NEDD4L: variants seen among roughly 807,000 people sequenced by gnomAD.
The protein encoded by NEDD4L is E3 ubiquitin-protein ligase NEDD4-like.
NEDD4L carries 54 observed loss-of-function variants against 148.9 expected under a neutral mutation model. That is an observed-to-expected ratio of 0.36 (90% CI 0.29 to 0.45). The LOEUF (loss-of-function observed/expected upper bound fraction) is 0.45, where lower values mean the gene tolerates loss of function less well. Among genes scored for constraint, NEDD4L ranks in the 20% least tolerant of loss-of-function variants. The pLI is 1.00. For synonymous variants in NEDD4L, 433 were observed against 440.7 expected (o/e 0.98, Z 0.22); for missense variants, 856 against 1,233.8 (o/e 0.69, Z 4.59).
intron 1 of NEDD4L, among the ~76,000 whole-genome samples, chr18:58,115,318 G>A (rs964816574): frequency 3.2e-4 from 48 of 150,496 alleles, no homozygotes. Context: ...TGCCTTCTGG[G>A]AATCCATTGT....
intron 1 of NEDD4L, among the ~76,000 whole-genome samples, chr18:58,125,652 A>T (rs552923938): frequency 2.6e-5 from 4 of 152,236 alleles, no homozygotes; most frequent in African/African-American, 9.6e-5. Flanking sequence ...CAGGAAATAT[A>T]ATTTGGACCG....
chr18:58,284,750 C>G (rs1205378256), intron 5 of NEDD4L, among the ~76,000 whole-genome samples: 1 of 152,162 alleles, frequency 6.6e-6, no homozygotes, highest in African/African-American at 2.4e-5. Flanking sequence ...AACCATATAT[C>G]TGGATATTTT....
intron 4 of NEDD4L, among the ~76,000 whole-genome samples, chr18:58,249,742 A>G (rs1379125793): frequency 1.3e-5 from 2 of 152,214 alleles, no homozygotes; most frequent in South Asian, 2.1e-4. Flanking sequence ...GCCCATTATA[A>G]TTGGTCCTGA....
At chr18:58,344,471 A>G (rs1266328656) in intron 16 of NEDD4L, among the ~76,000 whole-genome samples, 1 of 152,214 alleles carries the variant, frequency 6.6e-6, no homozygotes, top group East Asian at 1.9e-4. Context: ...TGCCCTACAC[A>G]TTTCAAAACA....
In NEDD4L at chr18:58,185,603, G is replaced by A. The variant is rs1027334302; in HGVS notation, c.122+19742G>A. Among the ~76,000 whole-genome samples the A allele has an allele frequency of 2.7e-4, 41 of 152,230 alleles. 1 individual carries two copies. The highest frequency in any genetic ancestry group is 2.1e-4 in the Non-Finnish European group (14 of 68,040). ...AATGACAAATGCCTGGTTGGGTGCT[G>A]TGGCTCACGCCTGTAATCCCAACAC... is the stretch of plus-strand genomic sequence containing the variant. On this transcript the variant is annotated intron_variant, in intron 2 of 30. Coordinates refer to ENST00000400345, the MANE Select transcript of NEDD4L (RefSeq NM_001144967.3).
intron 1 of NEDD4L, among the ~76,000 whole-genome samples, chr18:58,111,370 T>C (rs1297913161): frequency 6.7e-6 from 1 of 149,690 alleles, no homozygotes; most frequent in African/African-American, 2.5e-5. Flanking sequence ...GCCTGGCTGA[T>C]GTTAATATTT....
intron 5 of NEDD4L, among the ~76,000 whole-genome samples, chr18:58,252,483 A>G (rs1391448798): frequency 6.6e-6 from 1 of 152,198 alleles, no homozygotes; most frequent in Admixed American, 6.5e-5. Context: ...GAAAATAACA[A>G]TCTAATTAAC....
rs1601468946 is a variant in NEDD4L, at chr18:58,341,222, A to T, written c.1257+53A>T. On this transcript the variant is annotated intron_variant, in intron 14 of 30. Coordinates refer to ENST00000400345, the MANE Select transcript of NEDD4L (RefSeq NM_001144967.3). ...CCGCAGGCCATAGAAGCCGAAATGT[A>T]CATGACCGAACTCCTTTCCTGGTGT... 3 of 1,584,664 alleles carry T rather than the reference A, an allele frequency of 1.9e-6. No homozygotes were observed. The South Asian group carries it at 3.5e-5, about 18-fold the overall frequency.
intron 2 of NEDD4L, among the ~76,000 whole-genome samples, chr18:58,171,511 C>G (rs1347059516): frequency 6.6e-6 from 1 of 152,256 alleles, no homozygotes; most frequent in Non-Finnish European, 1.5e-5. Flanking sequence ...TACAAGTTCC[C>G]TCCTCCTACG....
At chr18:58,086,566 C>A (rs985581971) in intron 1 of NEDD4L, among the ~76,000 whole-genome samples, 2 of 152,224 alleles carry the variant, frequency 1.3e-5, no homozygotes, top group Non-Finnish European at 1.5e-5. Context: ...TCATTTTTAG[C>A]CTTTTTGTTG....
intron 19 of NEDD4L, among the ~76,000 whole-genome samples, chr18:58,361,930 G>A (rs1181617082): frequency 6.6e-6 from 1 of 152,116 alleles, no homozygotes; most frequent in Non-Finnish European, 1.5e-5. Flanking sequence ...AAGCTGCACT[G>A]GAAGGATGTT....
intron 5 of NEDD4L, among the ~76,000 whole-genome samples, chr18:58,270,837 G>T (rs188113333): frequency 2.0e-5 from 3 of 152,024 alleles, no homozygotes; most frequent in African/African-American, 7.2e-5. Context: ...AAGCTCACTA[G>T]CATTGTTTAT....
intron 1 of NEDD4L, among the ~76,000 whole-genome samples, chr18:58,070,149 C>A (rs549731414): frequency 1.1e-4 from 16 of 152,360 alleles, no homozygotes; most frequent in African/African-American, 3.6e-4. Flanking sequence ...GCTCTACCTG[C>A]TGAGCATTTG....
chr18:58,218,715 T>C (rs950586276), intron 2 of NEDD4L, among the ~76,000 whole-genome samples: 2 of 152,210 alleles, frequency 1.3e-5, no homozygotes, highest in African/African-American at 2.4e-5. Flanking sequence ...AGCCACAAAA[T>C]GTCAGTAGTG....
At chr18:58,117,356 T>G (rs1244408944) in intron 1 of NEDD4L, among the ~76,000 whole-genome samples, 1 of 152,250 alleles carries the variant, frequency 6.6e-6, no homozygotes, top group Non-Finnish European at 1.5e-5. Context: ...GAATTTGATT[T>G]GTGTACACTT....
rs1357297625 is a variant in NEDD4L, at chr18:58,082,083, T to TATACACACACAC, written c.48+37378_48+37379insCACACACACATA. 1.0e-4 allele frequency among the ~76,000 whole-genome samples: 9 copies of TATACACACACAC among 90,108 alleles called. 1 individual carries two copies. Among genetic ancestry groups the TATACACACACAC allele is most frequent in the African/African-American group, 5.3e-4 (9 of 16,968 alleles). 59.1% of individuals were successfully genotyped at this position (90,108 alleles called of 152,430 possible). A position where few individuals can be genotyped will look rare whatever the true frequency, so the allele number is the denominator to read the frequency against. ...TATTCTAATTGCTTTCTGATGAATA[T>TATACACACACAC]ATATATATATATATATATATTTTTT... On this transcript the variant is annotated intron_variant, in intron 1 of 30. Transcript: ENST00000400345.
At chr18:58,047,048 A>C (rs968570120) in intron 1 of NEDD4L, 2 of 156,796 alleles carry the variant, frequency 1.3e-5, no homozygotes, top group African/African-American at 4.8e-5. Flanking sequence ...GAATTTGCAC[A>C]GCTTGTTTTG....
At chr18:58,230,389 G>T (rs956793968) in intron 2 of NEDD4L, among the ~76,000 whole-genome samples, 1 of 150,164 alleles carries the variant, frequency 6.7e-6, no homozygotes, top group East Asian at 2.0e-4. Context: ...GTGATGTTGC[G>T]GAAGTGAGGT....
chr18:58,142,347 G>A (rs1049809080), intron 1 of NEDD4L, among the ~76,000 whole-genome samples: 1 of 151,822 alleles, frequency 6.6e-6, no homozygotes, highest in African/African-American at 2.4e-5. Context: ...ACCGCGCCCA[G>A]CCCCAAAATT....
Sources: allele counts gnomAD v4.1 joint callset (sites outside exome capture counted in the v4.1 genomes callset), GRCh38; gene constraint gnomAD v4.1.1; transcripts MANE v1.5; gene names NCBI Gene and HGNC (gene_info 2026-07-23, HGNC 2026-07-21).